MCUB: variants seen among roughly 807,000 people sequenced by gnomAD.
MCUB encodes the protein calcium uniporter regulatory subunit MCUb, mitochondrial.
MCUB carries 46 observed loss-of-function variants against 41.4 expected under a neutral mutation model. The observed-to-expected ratio is 1.11, with a 90% CI of 0.88 to 1.42. The LOEUF (loss-of-function observed/expected upper bound fraction) is 1.42, where lower values mean the gene tolerates loss of function less well. Among genes scored for constraint, MCUB ranks in the 40% most tolerant of loss-of-function variants. The probability of loss-of-function intolerance (pLI) is 0.00; values close to 1 mark genes in which losing one functional copy is unlikely to be tolerated. For synonymous variants in MCUB, 148 were observed against 148.2 expected (o/e 1.00, Z 0.01); for missense variants, 403 against 404.9 (o/e 1.00, Z 0.04).
intron 1 of MCUB, among the ~76,000 whole-genome samples, chr4:109,620,265 C>T (rs752755374): frequency 6.6e-6 from 1 of 151,984 alleles, no homozygotes; most frequent in Non-Finnish European, 1.5e-5. Context: ...CAAATCCAGG[C>T]ACACTAACTT....
At position 109,684,779 on chromosome 4, in the gene MCUB, ATTG is replaced by A. The variant is rs984063378; in HGVS notation, c.816+136_816+138del. On this transcript the variant is annotated intron_variant, in intron 6 of 7. Coordinates refer to ENST00000394650, the MANE Select transcript of MCUB (RefSeq NM_017918.5). Reference sequence around the variant, plus strand: ...GTTTTTATGAGCTGGTAAATTTTTTATTGTTTTTCACAAGACTGAATGAAGACT... The same window carrying A: ...GTTTTTATGAGCTGGTAAATTTTTTATTTTTCACAAGACTGAATGAAGACT... The A allele has an allele frequency of 8.6e-6, 5 of 582,738 alleles. No individual in the cohort carries two copies. In the African/African-American group the frequency reaches 9.4e-5, roughly 11 times the overall value. The allele number at this position is 582,738 out of a possible 1,614,324, so 36.1% of individuals were successfully genotyped here.
At chr4:109,560,483 A>C (rs2126121570) in intron 1 of MCUB, 47 bp downstream of exon 1, 1 of 935,426 alleles carries the variant, frequency 1.1e-6, no homozygotes, top group East Asian at 3.3e-5. Context: ...GGCTGGTGCA[A>C]AGTTTGCGTT....
At chr4:109,649,813 A>C (rs1728920098) in intron 1 of MCUB, among the ~76,000 whole-genome samples, 1 of 152,034 alleles carries the variant, frequency 6.6e-6, no homozygotes, top group Non-Finnish European at 1.5e-5. Flanking sequence ...GGCTCAAATA[A>C]TCTTCCTGCC....
intron 1 of MCUB, among the ~76,000 whole-genome samples, chr4:109,633,815 A>C (rs1728528665): frequency 1.3e-5 from 2 of 152,156 alleles, no homozygotes; most frequent in South Asian, 4.1e-4. Flanking sequence ...GCTTGACAAT[A>C]ATTGGCTTAG....
chr4:109,593,167 G>A (rs1033244216), intron 1 of MCUB, among the ~76,000 whole-genome samples: 1 of 152,218 alleles, frequency 6.6e-6, no homozygotes, highest in Middle Eastern at 3.2e-3. Context: ...GTAGTGAAAA[G>A]GGGCAGTTAG....
In MCUB at chr4:109,610,060, T is replaced by C. The variant is rs118044127; in HGVS notation, c.100-48951T>C. On this transcript the variant is annotated intron_variant, in intron 1 of 7. Transcript: ENST00000394650. ...CCTCTCCCTGTGGCCACTGCCACCATAGGCCCATGGGGAGTACAGCCAGGC... is the reference window on the plus strand; with the variant it reads ...CCTCTCCCTGTGGCCACTGCCACCACAGGCCCATGGGGAGTACAGCCAGGC... Among the ~76,000 whole-genome samples, 545 of 152,288 alleles carry C rather than the reference T, an allele frequency of 3.6e-3. 7 individuals carry two copies. The highest frequency in any genetic ancestry group is 0.014 in the East Asian group (70 of 5,170).
intron 1 of MCUB, among the ~76,000 whole-genome samples, chr4:109,643,061 G>A (rs1012014961): frequency 2.6e-5 from 4 of 151,698 alleles, no homozygotes; most frequent in African/African-American, 9.7e-5. Flanking sequence ...CCAAAGTGCT[G>A]GGATTACAGA....
chr4:109,623,983 A>G (rs1028913698), intron 1 of MCUB, among the ~76,000 whole-genome samples: 2 of 152,140 alleles, frequency 1.3e-5, no homozygotes, highest in Non-Finnish European at 2.9e-5. Context: ...CCAAGTAGCT[A>G]GGATCACAGG....
chr4:109,657,440 C>T (rs181189817), intron 1 of MCUB, among the ~76,000 whole-genome samples: 2 of 152,002 alleles, frequency 1.3e-5, no homozygotes, highest in Non-Finnish European at 1.5e-5. Flanking sequence ...CACTTTTAAC[C>T]ACTGATTTAT....
intron 4 of MCUB, chr4:109,673,961 T>G: frequency 1.2e-6 from 1 of 842,642 alleles, no homozygotes; most frequent in South Asian, 1.3e-5. Flanking sequence ...TTTGCAGCAG[T>G]TGTTGCATAT....
At chr4:109,619,893 CT>C (rs1387120216) in intron 1 of MCUB, among the ~76,000 whole-genome samples, 3 of 152,158 alleles carry the variant, frequency 2.0e-5, no homozygotes, top group Admixed American at 6.6e-5. Context: ...GAAGTAGGTA[CT>C]GTTATCCCCA....
rs754859823 is a variant in MCUB, at chr4:109,684,517, C to T, written c.687C>T (p.Ser229=). 6.2e-7 allele frequency: 1 copy of T among 1,613,948 alleles called. No individual in the cohort carries two copies. ...TGTGGGCTGGATTGGCACTGCTGTC[C>T]ATTCAGGGTGGGGCACTGGCCTGGC... ...GLLWAGLALL[S]IQGGALAWLT... Residue 229 remains serine, a synonymous_variant, in exon 6 of 8, where the codon TCC becomes TCT. Coordinates refer to ENST00000394650, the MANE Select transcript of MCUB (RefSeq NM_017918.5).
In MCUB at chr4:109,644,657, C is replaced by A. The variant is rs561188459; in HGVS notation, c.100-14354C>A. Among the ~76,000 whole-genome samples the A allele has an allele frequency of 8.5e-5, 13 of 152,188 alleles. No individual in the cohort carries two copies. In the South Asian group the frequency reaches 2.5e-3, roughly 29 times the overall value. On this transcript the variant is annotated intron_variant, in intron 1 of 7. Coordinates refer to ENST00000394650, the MANE Select transcript of MCUB (RefSeq NM_017918.5). ...ATGCCAAAAGGAGAAAATAAATCAC[C>A]AATAACGCTATCATCTAAATTATTA...
At chr4:109,681,450 G>T (rs981632716) in intron 4 of MCUB, 1 of 453,684 alleles carries the variant, frequency 2.2e-6, no homozygotes, top group Admixed American at 2.4e-5. Context: ...GTTACCGGGG[G>T]TCCTTGCTCC....
At chr4:109,631,533 G>T (rs1478681310) in intron 1 of MCUB, among the ~76,000 whole-genome samples, 1 of 152,148 alleles carries the variant, frequency 6.6e-6, no homozygotes, top group African/African-American at 2.4e-5. Context: ...ATGTTCGCAG[G>T]ATTTTCCTTT....
chr4:109,660,890 A>G (rs975454499), intron 3 of MCUB, among the ~76,000 whole-genome samples: 2 of 152,160 alleles, frequency 1.3e-5, no homozygotes, highest in African/African-American at 4.8e-5. Context: ...TTTAATGTAA[A>G]TTTCAGTTAC....
chr4:109,619,030 G>GCCTACCTACCTACCTA (rs762220634), intron 1 of MCUB, among the ~76,000 whole-genome samples: 1 of 118,706 alleles, frequency 8.4e-6, no homozygotes, highest in Admixed American at 8.4e-5. Context: ...CTACCTGCCT[G>GCCTACCTACCTACCTA]CCTACCTACC....
intron 1 of MCUB, among the ~76,000 whole-genome samples, chr4:109,603,042 C>T (rs903142637): frequency 1.3e-5 from 2 of 152,104 alleles, no homozygotes; most frequent in African/African-American, 4.8e-5. Flanking sequence ...ATTTTGTACT[C>T]TGCAACTTTA....
chr4:109,599,376 C>G lies in MCUB; in HGVS notation c.99+38940C>G, dbSNP rs148871214. 6.6e-5 allele frequency among the ~76,000 whole-genome samples: 10 copies of G among 151,864 alleles called. No individual in the cohort carries two copies. The East Asian group carries it at 1.4e-3, about 21-fold the overall frequency. ...TTGGGAGTTATGAAGACCACCGAAA[C>G]GACAGGAAACAACTTTGCAACCTTT... On this transcript the variant is annotated intron_variant, in intron 1 of 7. Coordinates refer to ENST00000394650, the MANE Select transcript of MCUB (RefSeq NM_017918.5).
Sources: gnomAD v4.1 joint callset for allele counts (sites outside exome capture counted in the v4.1 genomes callset) on GRCh38, gnomAD v4.1.1 for gene constraint, MANE v1.5 for transcripts, NCBI Gene and HGNC (gene_info 2026-07-23, HGNC 2026-07-21) for gene names.